Variants in LEPR observed in about 807,000 individuals in gnomAD.
LEPR encodes the protein leptin receptor.
A neutral mutation model predicts 114.7 loss-of-function variants in LEPR; 56 were observed. The ratio of observed to expected loss-of-function variants is 0.49; its 90% CI spans 0.39 to 0.61. The LOEUF (loss-of-function observed/expected upper bound fraction) is 0.61, where lower values mean the gene tolerates loss of function less well. Ranked by LOEUF, LEPR falls within the 20% of genes least tolerant of loss-of-function variation. LEPR has a pLI of 0.00. For missense variants in LEPR, 1,202 were observed against 1,352.9 expected, an observed-to-expected ratio of 0.89 and a Z score of 1.75; for synonymous variants, 443 against 461.4, an observed-to-expected ratio of 0.96 and a Z score of 0.51.
chr1:65,451,130 T>C (rs1293358147), intron 2 of LEPR, among the ~76,000 whole-genome samples: 4 of 152,322 alleles, frequency 2.6e-5, no homozygotes, highest in South Asian at 2.1e-4. Flanking sequence ...GGTTGTTTGT[T>C]TTTTTCTTGT....
chr1:65,592,248 ATTTTT>A (rs58700529), intron 5 of LEPR, among the ~76,000 whole-genome samples: 117 of 117,724 alleles, frequency 9.9e-4, no homozygotes, highest in East Asian at 2.5e-3. Flanking sequence ...ATCTGCTGTC[ATTTTT>A]TTTTTTTTTT....
chr1:65,573,425 G>A (rs971710575), intron 5 of LEPR, among the ~76,000 whole-genome samples: 8 of 152,108 alleles, frequency 5.3e-5, no homozygotes, highest in Non-Finnish European at 7.4e-5. Context: ...ATGATTTTTC[G>A]TATTCGATCT....
At chr1:65,509,595 A>G (rs1409673953) in intron 2 of LEPR, among the ~76,000 whole-genome samples, 3 of 152,122 alleles carry the variant, frequency 2.0e-5, no homozygotes. Context: ...AACAGGGCGT[A>G]TGTTTATCAC....
chr1:65,462,995 T>C (rs531286655), intron 2 of LEPR, among the ~76,000 whole-genome samples: 21 of 152,348 alleles, frequency 1.4e-4, no homozygotes, highest in African/African-American at 4.8e-4. Flanking sequence ...AGCTCTTTAG[T>C]TTAATTAGAT....
At chr1:65,529,395 G>C (rs1404145731) in intron 2 of LEPR, among the ~76,000 whole-genome samples, 1 of 151,774 alleles carries the variant, frequency 6.6e-6, no homozygotes, top group African/African-American at 2.4e-5. Flanking sequence ...GGTGGCAGGC[G>C]CCTGTAATCC....
intron 2 of LEPR, among the ~76,000 whole-genome samples, chr1:65,548,656 G>GCTTGGTAGATCCTCCTCCGTC (rs1651993599): frequency 6.6e-6 from 1 of 151,762 alleles, no homozygotes; most frequent in African/African-American, 2.4e-5. Flanking sequence ...TTTTCCATTT[G>GCTTGGTAGATCCTCCTCCGTC]CTTGGTAGAT....
chr1:65,526,401 GAA>G, intron 2 of LEPR: 1 of 985,324 alleles, frequency 1.0e-6, no homozygotes, highest in Non-Finnish European at 1.2e-6. Context: ...GTAGTGGTGA[GAA>G]AAAGAGACCC....
chr1:65,608,365 G>T (rs1181583638), intron 11 of LEPR, among the ~76,000 whole-genome samples: 3 of 151,900 alleles, frequency 2.0e-5, no homozygotes, highest in Admixed American at 1.3e-4. Context: ...TGAGTAGCTG[G>T]GACTACAGGC....
At chr1:65,578,593 T>A (rs986804304) in intron 5 of LEPR, among the ~76,000 whole-genome samples, 4 of 152,164 alleles carry the variant, frequency 2.6e-5, no homozygotes, top group African/African-American at 9.7e-5. Context: ...GTCACAGTTG[T>A]CATTATGTTT....
At chr1:65,458,819 C>T (rs959362546) in intron 2 of LEPR, among the ~76,000 whole-genome samples, 6 of 152,022 alleles carry the variant, frequency 3.9e-5, no homozygotes, top group African/African-American at 1.5e-4. Context: ...TCCCATTATA[C>T]CTTTATTATC....
intron 2 of LEPR, among the ~76,000 whole-genome samples, chr1:65,447,642 C>T (rs1646730924): frequency 6.6e-6 from 1 of 151,522 alleles, no homozygotes; most frequent in Admixed American, 6.6e-5. Context: ...AGGTGATCTT[C>T]CCACCTCAGC....
chr1:65,634,325 T>C lies in LEPR; in HGVS notation c.2674-1866T>C, dbSNP rs140449073. 25 of 982,816 alleles carry C rather than the reference T, an allele frequency of 2.5e-5. No individual in the cohort carries two copies. The African/African-American group carries it at 4.2e-4, about 16-fold the overall frequency. The allele number at this position is 982,816 out of a possible 1,614,324, so 60.9% of individuals were successfully genotyped here. A position where few individuals can be genotyped will look rare whatever the true frequency, so the allele number is the denominator to read the frequency against. On this transcript the variant is annotated intron_variant, in intron 19 of 19. Coordinates refer to ENST00000349533, the MANE Select transcript of LEPR (RefSeq NM_002303.6). ...GGAAGAATGTGTCTTTCTTCCCTTC[T>C]TGACTTCTAATAGGTGTCATTGAAA...
In LEPR at chr1:65,613,613, C is replaced by T. The variant is rs1048759706; in HGVS notation, c.1996-2395C>T. 7.7e-5 allele frequency among the ~76,000 whole-genome samples: 10 copies of T among 129,624 alleles called. 3 individuals are homozygous for T. The highest frequency in any genetic ancestry group is 3.2e-4 in the Admixed American group (4 of 12,574). 85.0% of individuals were successfully genotyped at this position (129,624 alleles called of 152,430 possible). Reference sequence around the variant, plus strand: ...CTAAAAATACAAAAAATTAGCCGGGCGCGGTGGCGGGCGCCTGTAGTCCCA... The same window carrying T: ...CTAAAAATACAAAAAATTAGCCGGGTGCGGTGGCGGGCGCCTGTAGTCCCA... On this transcript the variant is annotated intron_variant, in intron 14 of 19. Coordinates refer to ENST00000349533, the MANE Select transcript of LEPR (RefSeq NM_002303.6).
rs141975053 is a variant in LEPR at position 65,569,885 on chromosome 1, G to A, written c.41-588G>A. Among the ~76,000 whole-genome samples, 907 of 152,100 alleles carry A rather than the reference G, an allele frequency of 6.0e-3. 7 individuals carry two copies. Among genetic ancestry groups the A allele is most frequent in the African/African-American group, 0.021 (872 of 41,482 alleles). ...TCATTTTTTGTGTAATGTGCTAAGG[G>A]CATGTCTTATATGATGATGTTTTGT... On this transcript the variant is annotated intron_variant, in intron 3 of 19. Transcript: ENST00000349533.
intron 1 of LEPR, 25 bp from the exon 2 acceptor site, chr1:65,425,272 GAACTTT>G: frequency 6.2e-7 from 1 of 1,603,338 alleles, no homozygotes; most frequent in Non-Finnish European, 8.5e-7. Flanking sequence ...TCTACTGTGG[GAACTTT>G]AACTTTTGGC....
At chr1:65,603,527 C>T (rs553041607) in intron 10 of LEPR, among the ~76,000 whole-genome samples, 1 of 152,286 alleles carries the variant, frequency 6.6e-6, no homozygotes, top group Non-Finnish European at 1.5e-5. Context: ...ATATAGTATT[C>T]AGAGCAAACA....
intron 2 of LEPR, among the ~76,000 whole-genome samples, chr1:65,530,146 A>G (rs1314674522): frequency 1.3e-5 from 2 of 152,184 alleles, no homozygotes; most frequent in African/African-American, 4.8e-5. Flanking sequence ...AACCTGCACT[A>G]TCTGCAGTCT....
At chr1:65,554,031 C>T (rs988434826) in intron 2 of LEPR, among the ~76,000 whole-genome samples, 4 of 152,300 alleles carry the variant, frequency 2.6e-5, no homozygotes, top group Non-Finnish European at 5.9e-5. Context: ...GTATCACCAG[C>T]GGAGGCTGCA....
At chr1:65,572,932 C>G (rs1005524445) in intron 5 of LEPR, among the ~76,000 whole-genome samples, 3 of 152,196 alleles carry the variant, frequency 2.0e-5, no homozygotes, top group Non-Finnish European at 1.5e-5. Context: ...GGCTGGCTCT[C>G]TCTTGCCTTC....
Sources: allele counts gnomAD v4.1 joint callset (sites outside exome capture counted in the v4.1 genomes callset), GRCh38; gene constraint gnomAD v4.1.1; transcripts MANE v1.5; gene names NCBI Gene and HGNC (gene_info 2026-07-23, HGNC 2026-07-21).